Variants in C11orf65 observed in about 807,000 individuals in gnomAD.
C11orf65 encodes the protein chromosome 11 open reading frame 65.
Under a neutral mutation model 35.3 loss-of-function variants are expected in C11orf65, and 38 were observed. The ratio of observed to expected loss-of-function variants is 1.08; its 90% CI spans 0.83 to 1.41. The LOEUF (loss-of-function observed/expected upper bound fraction) is 1.41. Ranked by LOEUF, C11orf65 falls within the 40% of genes most tolerant of loss-of-function variation. The probability of loss-of-function intolerance (pLI) is 0.00; values close to 1 mark genes in which losing one functional copy is unlikely to be tolerated. For synonymous variants in C11orf65, 105 were observed against 114.4 expected, an observed-to-expected ratio of 0.92 and a Z score of 0.53; for missense variants, 370 against 367.1, an observed-to-expected ratio of 1.01 and a Z score of -0.06.
rs532312566 is a variant in C11orf65, at chr11:108,412,261, A to G, written c.175-5112T>C. Among the ~76,000 whole-genome samples the G allele has an allele frequency of 2.6e-5, 4 of 152,264 alleles. No individual in the cohort carries two copies. In the East Asian group the frequency reaches 7.7e-4, roughly 29 times the overall value. On this transcript the variant is annotated intron_variant, in intron 3 of 8. Coordinates refer to ENST00000393084, the MANE Select transcript of C11orf65 (RefSeq NM_152587.5). ...GTAAAACATACACATGAAATCGTAT[A>G]AAATGCTCAATTAAAACCAGAGAAG...
chr11:108,423,180 A>C (rs1317006821), intron 3 of C11orf65, among the ~76,000 whole-genome samples: 1 of 152,026 alleles, frequency 6.6e-6, no homozygotes, highest in Non-Finnish European at 1.5e-5. Context: ...ACACCAAGCT[A>C]GCTGCAGTTT....
rs556512570 is a variant in C11orf65, at chr11:108,434,129, C to T, written c.82-2291G>A. 7.9e-5 allele frequency among the ~76,000 whole-genome samples: 12 copies of T among 152,260 alleles called. 1 individual carries two copies. The South Asian group carries it at 2.5e-3, about 32-fold the overall frequency. On this transcript the variant is annotated intron_variant, in intron 2 of 8. Coordinates refer to ENST00000393084, the MANE Select transcript of C11orf65 (RefSeq NM_152587.5). ...AATCAGGTGAGCAAGATGACTCATTCCTTGGAATCAGTCAGCCTTTCCCCC... is the reference window on the plus strand; with the variant it reads ...AATCAGGTGAGCAAGATGACTCATTTCTTGGAATCAGTCAGCCTTTCCCCC...
chr11:108,430,877 CA>C (rs2092978568), intron 3 of C11orf65, among the ~76,000 whole-genome samples: 1 of 141,458 alleles, frequency 7.1e-6, no homozygotes, highest in Admixed American at 7.5e-5. Flanking sequence ...AAAAAAAACC[CA>C]AAACCCATAA....
chr11:108,359,716 A>G (rs983458552), intron 2 of C11orf65, among the ~76,000 whole-genome samples: 5 of 152,156 alleles, frequency 3.3e-5, no homozygotes, highest in Admixed American at 1.3e-4. Flanking sequence ...TAATGAAATG[A>G]AGGCAGAAAT....
chr11:108,383,788 T>C (rs1278760442), intron 8 of C11orf65, among the ~76,000 whole-genome samples: 1 of 152,196 alleles, frequency 6.6e-6, no homozygotes, highest in Non-Finnish European at 1.5e-5. Context: ...TTTCACTTGC[T>C]TTTATGCTCC....
intron 3 of C11orf65, among the ~76,000 whole-genome samples, chr11:108,427,992 G>A (rs865912044): frequency 1.2e-4 from 11 of 88,410 alleles, no homozygotes; most frequent in South Asian, 1.1e-3. Flanking sequence ...CACTACGACC[G>A]GCTAATTTTT....
At chr11:108,447,342 C>G (rs1193400288) in intron 2 of C11orf65, among the ~76,000 whole-genome samples, 2 of 151,940 alleles carry the variant, frequency 1.3e-5, no homozygotes, top group African/African-American at 4.8e-5. Flanking sequence ...TTTTTTTTAG[C>G]ACCACACCAC....
At chr11:108,315,783 T>TG (rs1171119302) in intron 6 of C11orf65, 1 of 1,535,366 alleles carries the variant, frequency 6.5e-7, no homozygotes, top group Non-Finnish European at 9.0e-7. Flanking sequence ...TAGACCGATT[T>TG]TTTTTCCTTC....
chr11:108,383,208 C>T (rs768821730), intron 8 of C11orf65, 33 bp from the exon 9 acceptor site: 2 of 1,495,348 alleles, frequency 1.3e-6, no homozygotes, highest in Non-Finnish European at 1.8e-6. Flanking sequence ...TAGAAAGATA[C>T]CAGATATAAT....
At chr11:108,394,147 T>C (rs1591452632) in intron 6 of C11orf65, among the ~76,000 whole-genome samples, 1 of 121,034 alleles carries the variant, frequency 8.3e-6, no homozygotes, top group African/African-American at 3.2e-5. Flanking sequence ...GAAACTGCAC[T>C]CCAGCCTGGG....
chr11:108,396,675 C>CAA (rs199504893), intron 6 of C11orf65, among the ~76,000 whole-genome samples: 76 of 148,476 alleles, frequency 5.1e-4, no homozygotes, highest in Admixed American at 1.7e-3. Context: ...ACTAAAAATA[C>CAA]AAAAAAAAAT....
At chr11:108,316,368 A>G (rs2084651261) in intron 6 of C11orf65, among the ~76,000 whole-genome samples, 3 of 149,626 alleles carry the variant, frequency 2.0e-5, no homozygotes, top group Admixed American at 6.6e-5. Flanking sequence ...TTTCTTGATC[A>G]TAGTGTTGTT....
At chr11:108,448,489 T>A (rs992718020) in intron 2 of C11orf65, among the ~76,000 whole-genome samples, 12 of 152,078 alleles carry the variant, frequency 7.9e-5, no homozygotes, top group African/African-American at 2.2e-4. Context: ...CATATGCAAA[T>A]GAATAAATGT....
At chr11:108,399,790 G>C (rs2092403096) in intron 6 of C11orf65, among the ~76,000 whole-genome samples, 1 of 152,126 alleles carries the variant, frequency 6.6e-6, no homozygotes, top group East Asian at 1.9e-4. Context: ...ATAAATCCCA[G>C]GTCAGTCCAT....
Position 108,325,476 on chromosome 11 carries a change from A to G in C11orf65, c.641-16405T>C, listed in dbSNP as rs587781521. 1.2e-5 allele frequency: 19 copies of G among 1,613,576 alleles called. No homozygotes were observed. Among genetic ancestry groups the G allele is most frequent in the Admixed American group, 1.7e-5 (1 of 60,002 alleles). ...AATGGACAACTCACAAAGAGAATGT[A>G]TTAAGGACATTCTCACCAAACACCT... On this transcript the variant is annotated intron_variant, in intron 6 of 6. Transcript: ENST00000525729.
At chr11:108,361,410 C>T (rs1369967761) in intron 2 of C11orf65, among the ~76,000 whole-genome samples, 1 of 151,820 alleles carries the variant, frequency 6.6e-6, no homozygotes, top group Non-Finnish European at 1.5e-5. Context: ...CCCCATCAAG[C>T]TACCAATGAC....
intron 6 of C11orf65, among the ~76,000 whole-genome samples, chr11:108,404,426 G>A (rs2092498989): frequency 6.6e-6 from 1 of 151,788 alleles, no homozygotes; most frequent in Non-Finnish European, 1.5e-5. Flanking sequence ...TGTTTGTTTC[G>A]AGATGGAGTC....
chr11:108,453,583 G>T (rs958499968), intron 2 of C11orf65, among the ~76,000 whole-genome samples: 1 of 152,122 alleles, frequency 6.6e-6, no homozygotes, highest in Non-Finnish European at 1.5e-5. Context: ...CTCACCAAAA[G>T]AACACTAGGG....
intron 2 of C11orf65, among the ~76,000 whole-genome samples, chr11:108,344,679 C>T (rs1044585815): frequency 6.6e-6 from 1 of 151,814 alleles, no homozygotes; most frequent in Non-Finnish European, 1.5e-5. Context: ...ATGAAGGAGG[C>T]AGAATTCATA....
Sources: allele counts gnomAD v4.1 joint callset (sites outside exome capture counted in the v4.1 genomes callset), GRCh38; gene constraint gnomAD v4.1.1; transcripts MANE v1.5; gene names NCBI Gene and HGNC (gene_info 2026-07-23, HGNC 2026-07-21).